Variants in NOS1 observed in about 807,000 individuals in gnomAD.
NOS1 encodes NOS type I.
Under a neutral mutation model 164.5 loss-of-function variants are expected in NOS1, and 51 were observed. The observed-to-expected ratio is 0.31, with a 90% CI of 0.25 to 0.39. The LOEUF (loss-of-function observed/expected upper bound fraction) is 0.39. Among genes scored for constraint, NOS1 ranks in the 10% least tolerant of loss-of-function variants. NOS1 has a pLI of 1.00. For synonymous variants in NOS1, 719 were observed against 745.8 expected, an observed-to-expected ratio of 0.96 and a Z score of 0.59; for missense variants, 1,362 against 1,885.6, an observed-to-expected ratio of 0.72 and a Z score of 5.14.
intron 7 of NOS1, 133 bp from the exon 8 acceptor site, chr12:117,280,999 G>A (rs1873605302): frequency 3.1e-6 from 3 of 953,384 alleles, no homozygotes; most frequent in Middle Eastern, 2.9e-4. Context: ...AGGTCCCCAG[G>A]GCCAATGGAG....
chr12:117,220,106 T>C lies in NOS1; in HGVS notation c.4139A>G (p.Glu1380Gly), dbSNP rs1956678469. Residue 1380 changes from glutamate to glycine, a missense_variant, in exon 27 of 29, where the codon GAG (glutamate) becomes GGG (glycine). By Grantham distance (98) the Glu-to-Gly change is moderately conservative. Coordinates refer to ENST00000317775, the MANE Select transcript of NOS1 (RefSeq NM_000620.5). ...CCGGCTGATGAATACGCCGGCGTCCTCTGCCGAGAGCTTCCCCTGCTGGGT... is the reference window on the plus strand; with the variant it reads ...CCGGCTGATGAATACGCCGGCGTCCCCTGCCGAGAGCTTCCCCTGCTGGGT... ...IMTQQGKLSAEDAGVFISRMR... is the reference protein window; with the variant it reads ...IMTQQGKLSAGDAGVFISRMR... 1 of 1,612,810 alleles carries C rather than the reference T, an allele frequency of 6.2e-7. No individual in the cohort carries two copies. The highest frequency in any genetic ancestry group is 1.3e-5 in the African/African-American group (1 of 75,006).
intron 21 of NOS1, among the ~76,000 whole-genome samples, chr12:117,232,777 C>T (rs1051944669): frequency 5.3e-5 from 8 of 152,144 alleles, no homozygotes; most frequent in South Asian, 2.1e-4. Context: ...TAAATATAAG[C>T]CTCTTCTCCA....
chr12:117,351,507 C>T (rs1275015724), intron 1 of NOS1, among the ~76,000 whole-genome samples: 1 of 152,220 alleles, frequency 6.6e-6, no homozygotes, highest in Non-Finnish European at 1.5e-5. Context: ...ATCCCAGCTG[C>T]AGGTGCCTTC....
chr12:117,292,358 C>A (rs1873117922), intron 3 of NOS1, among the ~76,000 whole-genome samples: 1 of 152,012 alleles, frequency 6.6e-6, no homozygotes, highest in South Asian at 2.1e-4. Flanking sequence ...TTGAGTGTGG[C>A]TGGAGTGTAT....
intron 4 of NOS1, among the ~76,000 whole-genome samples, chr12:117,289,517 A>G (rs9658333): frequency 0.012 from 1,875 of 152,222 alleles, 41 homozygotes; most frequent in African/African-American, 0.043. Flanking sequence ...GGTTAGGAGC[A>G]CTCTTTATTG....
At chr12:117,347,870 C>A (rs1402858205) in intron 1 of NOS1, among the ~76,000 whole-genome samples, 1 of 152,176 alleles carries the variant, frequency 6.6e-6, no homozygotes, top group Non-Finnish European at 1.5e-5. Flanking sequence ...TGCACCAAAG[C>A]CCTTCCTGGA....
At chr12:117,286,851 C>T (rs1872738232) in intron 5 of NOS1, among the ~76,000 whole-genome samples, 1 of 152,158 alleles carries the variant, frequency 6.6e-6, no homozygotes, top group South Asian at 2.1e-4. Flanking sequence ...TACACTTGTT[C>T]ATATCTTTGC....
Position 117,220,869 on chromosome 12 carries a change from T to C in NOS1, c.3976-600A>G, listed in dbSNP as rs181288478. On this transcript the variant is annotated intron_variant, in intron 26 of 28. Coordinates refer to ENST00000317775, the MANE Select transcript of NOS1 (RefSeq NM_000620.5). ...GGAGCTCATTTGTTCAGGATGTCTT[T>C]AACTTGTCCAGGAAACTCCCACTCT... is the stretch of plus-strand genomic sequence containing the variant. 2.0e-5 allele frequency among the ~76,000 whole-genome samples: 3 copies of C among 152,274 alleles called. No individual in the cohort carries two copies. In the East Asian group the frequency reaches 5.8e-4, roughly 29 times the overall value.
In NOS1 at chr12:117,234,867, G is replaced by T; in HGVS notation, c.3042-109C>A. Reference sequence around the variant, plus strand: ...CTGCAATTCTCCTCCTTCCATTCTTGTTGGGGCCCGTGCTAACCAAGCCTA... The same window carrying T: ...CTGCAATTCTCCTCCTTCCATTCTTTTTGGGGCCCGTGCTAACCAAGCCTA... On this transcript the variant is annotated intron_variant, in intron 20 of 28. Coordinates refer to ENST00000317775, the MANE Select transcript of NOS1 (RefSeq NM_000620.5). The surrounding 1 kb of genome is among the most constrained non-coding windows in gnomAD (Gnocchi z 4.3). The T allele has an allele frequency of 1.2e-6, 1 of 828,432 alleles. No individual in the cohort carries two copies. The highest frequency in any genetic ancestry group is 1.9e-5 in the South Asian group (1 of 53,698). The allele number at this position is 828,432 out of a possible 1,614,324, so 51.3% of individuals were successfully genotyped here. A position where few individuals can be genotyped will look rare whatever the true frequency, so the allele number is the denominator to read the frequency against.
intron 1 of NOS1, among the ~76,000 whole-genome samples, chr12:117,337,514 G>C (rs898432196): frequency 2.0e-5 from 3 of 152,234 alleles, no homozygotes; most frequent in East Asian, 3.9e-4. Context: ...GAGTGTGACC[G>C]TTGTTCTTTC....
At chr12:117,282,673 G>A (rs1873773300) in intron 7 of NOS1, among the ~76,000 whole-genome samples, 1 of 152,196 alleles carries the variant, frequency 6.6e-6, no homozygotes, top group African/African-American at 2.4e-5. Context: ...AAATCACATA[G>A]AGGCAAAGAT....
intron 20 of NOS1, among the ~76,000 whole-genome samples, chr12:117,237,330 C>T (rs990254649): frequency 4.7e-5 from 7 of 150,502 alleles, no homozygotes; most frequent in Non-Finnish European, 7.4e-5. Flanking sequence ...CAGGGTTTAA[C>T]CATGATGGCC....
At position 117,315,096 on chromosome 12, in the gene NOS1, ATT is replaced by A. The variant is rs1262653168; in HGVS notation, c.726-3506_726-3505del. ...TGCAGAGAGAGTTTCTTTTACCATC[ATT>A]CTTTTTTTAAAAAAAATCCATTAAG... On this transcript the variant is annotated intron_variant, in intron 2 of 28. Transcript: ENST00000317775. Among the ~76,000 whole-genome samples the A allele has an allele frequency of 2.0e-5, 3 of 152,180 alleles. No homozygotes were observed. The South Asian group carries it at 6.2e-4, about 31-fold the overall frequency.
rs748128284 is a variant in NOS1 at position 117,330,545 on chromosome 12, G to A, written c.525C>T (p.Ala175=). The change falls in exon 2 of 29, where the codon GCC becomes GCT. Residue 175 remains alanine, a synonymous_variant. Transcript: ENST00000317775. The surrounding 1 kb of genome is among the most constrained non-coding windows in gnomAD (Gnocchi z 4.6). ...CTGGGGGCCTGGGGGCCAGGCCGTTGGCATGGGGGAGTGAGCCAGCCTCCT... is the reference window on the plus strand; with the variant it reads ...CTGGGGGCCTGGGGGCCAGGCCGTTAGCATGGGGGAGTGAGCCAGCCTCCT... ...DGQEAGSLPH[A]NGLAPRPPGQ... 1 of 1,613,828 alleles carries A rather than the reference G, an allele frequency of 6.2e-7. No homozygotes were observed. Among genetic ancestry groups the A allele is most frequent in the Admixed American group, 1.7e-5 (1 of 60,030 alleles).
Position 117,285,240 on chromosome 12 carries a change from C to T in NOS1, c.1382+1G>A, listed in dbSNP as rs1874022986. ...CCCCAGTGCCCAGCTGGTCAGCTCA[C>T]CTGAGGTTCCCTTTGTTGGTGGCAT... On this transcript the variant is annotated splice_donor_variant, in intron 7 of 28. Coordinates refer to ENST00000317775, the MANE Select transcript of NOS1 (RefSeq NM_000620.5). LOFTEE classifies it high-confidence loss of function. 1 of 1,610,266 alleles carries T rather than the reference C, an allele frequency of 6.2e-7. No homozygotes were observed. Among genetic ancestry groups the T allele is most frequent in the Non-Finnish European group, 8.5e-7 (1 of 1,177,440 alleles).
Position 117,249,633 on chromosome 12 carries a change from C to T in NOS1, c.2649-2111G>A, listed in dbSNP as rs536656613. ...AGTTATAAGTATTCTGGTTCCATTCCTTGTAAGGTCTATGAAATTAATTTG... is the reference window on the plus strand; with the variant it reads ...AGTTATAAGTATTCTGGTTCCATTCTTTGTAAGGTCTATGAAATTAATTTG... On this transcript the variant is annotated intron_variant, in intron 17 of 28. Coordinates refer to ENST00000317775, the MANE Select transcript of NOS1 (RefSeq NM_000620.5). Among the ~76,000 whole-genome samples, 6 of 152,228 alleles carry T rather than the reference C, an allele frequency of 3.9e-5. No individual in the cohort carries two copies. In the South Asian group the frequency reaches 1.0e-3, roughly 26 times the overall value.
chr12:117,240,540 G>A (rs11068422), intron 20 of NOS1, among the ~76,000 whole-genome samples: 4,035 of 152,274 alleles, frequency 0.026, 183 homozygotes, highest in East Asian at 0.16. Flanking sequence ...TGACTTTGGC[G>A]TCAGATAACC....
chr12:117,256,934 T>C (rs1054773479), intron 16 of NOS1, among the ~76,000 whole-genome samples: 13 of 152,016 alleles, frequency 8.6e-5, no homozygotes, highest in African/African-American at 3.1e-4. Context: ...TAGCCAGGCA[T>C]GGTGGTGTGT....
At chr12:117,327,045 G>A (rs1293691604) in intron 2 of NOS1, among the ~76,000 whole-genome samples, 3 of 152,188 alleles carry the variant, frequency 2.0e-5, no homozygotes, top group Non-Finnish European at 4.4e-5. Flanking sequence ...GGAGTTCTGG[G>A]GGTGTGGCTG....
Sources: gnomAD v4.1 joint callset for allele counts (sites outside exome capture counted in the v4.1 genomes callset) on GRCh38, gnomAD v4.1.1 for gene constraint, Gnocchi (gnomAD v3.1) non-coding constraint, MANE v1.5 for transcripts, NCBI Gene and HGNC (gene_info 2026-07-23, HGNC 2026-07-21) for gene names.